ABI2: variants seen among roughly 807,000 people sequenced by gnomAD.
ABI2 encodes the protein abl interactor 2, also known as abelson interactor 2.
Under a neutral mutation model 59.2 loss-of-function variants are expected in ABI2, and 25 were observed. That is an observed-to-expected ratio of 0.42 (90% CI 0.31 to 0.59). The LOEUF (loss-of-function observed/expected upper bound fraction) is 0.59. Ranked by LOEUF, ABI2 falls within the 20% of genes least tolerant of loss-of-function variation. ABI2 has a pLI of 0.14. For synonymous variants in ABI2, 213 were observed against 235.5 expected (o/e 0.90, Z 0.87); for missense variants, 545 against 681.8 (o/e 0.80, Z 2.23).
intron 1 of ABI2, among the ~76,000 whole-genome samples, chr2:203,338,955 TATATATAAATATATATATATATATATAA>T (rs1350175679): frequency 0.15 from 1,330 of 8,816 alleles, 107 homozygotes; most frequent in East Asian, 0.32. Context: ...TATATATATA[TATATATAAATATATATATATATATATAA>T]ATATATATAT....
chr2:203,425,886 G>T (rs957398825), intron 11 of ABI2, among the ~76,000 whole-genome samples: 7 of 152,118 alleles, frequency 4.6e-5, no homozygotes, highest in Non-Finnish European at 8.8e-5. Flanking sequence ...GCTGTGCGTG[G>T]TGGTGGGCGC....
intron 2 of ABI2, among the ~76,000 whole-genome samples, chr2:203,373,140 G>A (rs1190565065): frequency 1.3e-5 from 2 of 152,054 alleles, no homozygotes; most frequent in African/African-American, 2.4e-5. Context: ...GTAGCGAGCC[G>A]AGATCACGCC....
intron 11 of ABI2, among the ~76,000 whole-genome samples, chr2:203,422,167 G>A (rs1298700872): frequency 1.3e-5 from 2 of 152,112 alleles, no homozygotes; most frequent in African/African-American, 4.8e-5. Context: ...ACATGGTGGT[G>A]CATGCCTGTA....
At chr2:203,396,622 A>T (rs1404911603) in intron 7 of ABI2, among the ~76,000 whole-genome samples, 163 bp from the exon 8 acceptor site, 1 of 152,210 alleles carries the variant, frequency 6.6e-6, no homozygotes, top group African/African-American at 2.4e-5. Flanking sequence ...TTTGCTGCTT[A>T]TATAGTAATC....
chr2:203,378,362 T>C (rs552969366), intron 2 of ABI2, among the ~76,000 whole-genome samples: 102 of 152,246 alleles, frequency 6.7e-4, no homozygotes, highest in Admixed American at 4.3e-3. Flanking sequence ...CCGCCCACCT[T>C]GGCCTCCCAA....
intron 1 of ABI2, among the ~76,000 whole-genome samples, chr2:203,361,550 T>G (rs1261138901): frequency 2.6e-5 from 4 of 152,100 alleles, no homozygotes; most frequent in Admixed American, 2.0e-4. Flanking sequence ...CACTGAATTT[T>G]CTCTTTTTGT....
intron 1 of ABI2, among the ~76,000 whole-genome samples, chr2:203,350,609 G>A (rs1274656957): frequency 2.0e-5 from 3 of 149,522 alleles, no homozygotes; most frequent in Admixed American, 6.7e-5. Context: ...GCGTGATCTC[G>A]GCTCACTGCA....
At chr2:203,343,329 A>C (rs1559165408) in intron 1 of ABI2, among the ~76,000 whole-genome samples, 1 of 152,198 alleles carries the variant, frequency 6.6e-6, no homozygotes. Flanking sequence ...GCGGCACTGC[A>C]CTCTAGCCTG....
At chr2:203,350,802 T>G (rs961746293) in intron 1 of ABI2, among the ~76,000 whole-genome samples, 2 of 152,172 alleles carry the variant, frequency 1.3e-5, no homozygotes, top group African/African-American at 2.4e-5. Context: ...CCTCCCAAAG[T>G]GCTGGGATTA....
chr2:203,431,435 A>G lies in ABI2; in HGVS notation c.*4083A>G, dbSNP rs552624194. The G allele has an allele frequency of 6.6e-4, 101 of 152,766 alleles. No homozygotes were observed. The highest frequency in any genetic ancestry group is 2.4e-3 in the African/African-American group (98 of 41,578). 9.5% of individuals were successfully genotyped at this position (152,766 alleles called of 1,614,324 possible). Reference sequence around the variant, plus strand: ...TTGGTAAATACCATCAGAGTTGTGTAAAGGCGTGTACTAAGTGCAATCTTA... The same window carrying G: ...TTGGTAAATACCATCAGAGTTGTGTGAAGGCGTGTACTAAGTGCAATCTTA... On this transcript the variant is annotated 3_prime_UTR_variant, in exon 12 of 12. Coordinates refer to ENST00000261018, the MANE Select transcript of ABI2 (RefSeq NM_001375670.1).
chr2:203,382,216 T>C lies in ABI2; in HGVS notation c.480+10T>C. On this transcript the variant is annotated intron_variant, in intron 4 of 11. Transcript: ENST00000261018. ...GTTGCTTAGATTTAAGGTAAGAGAT[T>C]CCAGGGCTGGATTTCCATTCTTTGT... The C allele has an allele frequency of 6.5e-7, 1 of 1,527,314 alleles. No homozygotes were observed. Among genetic ancestry groups the C allele is most frequent in the Non-Finnish European group, 8.8e-7 (1 of 1,142,436 alleles). 94.6% of individuals were successfully genotyped at this position (1,527,314 alleles called of 1,614,324 possible).
At chr2:203,347,646 T>C (rs747487710) in intron 1 of ABI2, among the ~76,000 whole-genome samples, 1 of 152,200 alleles carries the variant, frequency 6.6e-6, no homozygotes, top group Non-Finnish European at 1.5e-5. Context: ...AGAAATGATA[T>C]AAGGATTGAG....
intron 4 of ABI2, among the ~76,000 whole-genome samples, chr2:203,390,159 C>T (rs1216932424): frequency 1.3e-5 from 2 of 152,112 alleles, no homozygotes; most frequent in Non-Finnish European, 1.5e-5. Context: ...AGGTGGTTCC[C>T]TCATAAGAAG....
At chr2:203,369,860 AAG>A (rs1237588844) in intron 2 of ABI2, among the ~76,000 whole-genome samples, 5 of 152,156 alleles carry the variant, frequency 3.3e-5, no homozygotes, top group South Asian at 4.1e-4. Context: ...TTTAAGAAAT[AAG>A]AGTAATTTTA....
intron 11 of ABI2, among the ~76,000 whole-genome samples, chr2:203,425,113 A>G (rs1559399478): frequency 6.6e-6 from 1 of 151,830 alleles, no homozygotes. Flanking sequence ...ATTTTAAAGA[A>G]GAAAATGAAT....
At chr2:203,404,147 T>C (rs2097335633) in intron 9 of ABI2, among the ~76,000 whole-genome samples, 1 of 152,150 alleles carries the variant, frequency 6.6e-6, no homozygotes, top group Admixed American at 6.5e-5. Flanking sequence ...GGAAGGCGGA[T>C]GAAAAGATGT....
chr2:203,364,176 C>T (rs1577106358), intron 1 of ABI2, among the ~76,000 whole-genome samples: 1 of 151,498 alleles, frequency 6.6e-6, no homozygotes, highest in African/African-American at 2.4e-5. Flanking sequence ...TCACTGCAAC[C>T]CCCGCCTCCT....
intron 2 of ABI2, among the ~76,000 whole-genome samples, chr2:203,369,882 G>A (rs1381990469): frequency 6.8e-6 from 1 of 147,320 alleles, no homozygotes; most frequent in African/African-American, 2.5e-5. Flanking sequence ...AAAAATTTAT[G>A]TATTTTCTAG....
chr2:203,388,342 C>T (rs1387417757), intron 4 of ABI2, among the ~76,000 whole-genome samples: 1 of 152,138 alleles, frequency 6.6e-6, no homozygotes, highest in Non-Finnish European at 1.5e-5. Context: ...AACAAATATA[C>T]AGTCATTTGA....
Sources: gnomAD v4.1 joint callset for allele counts (sites outside exome capture counted in the v4.1 genomes callset) on GRCh38, gnomAD v4.1.1 for gene constraint, MANE v1.5 for transcripts, NCBI Gene and HGNC (gene_info 2026-07-23, HGNC 2026-07-21) for gene names.